The following CTNND1 variants were observed in gnomAD, a reference collection of about 807,000 sequenced individuals.
CTNND1 encodes the protein catenin delta 1.
CTNND1 carries 16 observed loss-of-function variants against 112.1 expected under a neutral mutation model. The ratio of observed to expected loss-of-function variants is 0.14; its 90% CI spans 0.10 to 0.22. The LOEUF is 0.22. Among genes scored for constraint, CTNND1 ranks in the 10% least tolerant of loss-of-function variants. The pLI is 1.00. For synonymous variants in CTNND1, 420 were observed against 446.5 expected (o/e 0.94, Z 0.75); for missense variants, 1,008 against 1,257.0 (o/e 0.80, Z 3.00).
chr11:57,791,785 G>A (rs1591441519), intron 3 of CTNND1, 112 bp downstream of exon 3: 7 of 1,165,742 alleles, frequency 6.0e-6, no homozygotes, highest in Non-Finnish European at 3.4e-6. Flanking sequence ...TCCAGTGCCC[G>A]TTCTTCCAGG....
intron 15 of CTNND1, among the ~76,000 whole-genome samples, chr11:57,809,733 T>A (rs907360020): frequency 6.6e-6 from 1 of 152,226 alleles, no homozygotes; most frequent in Non-Finnish European, 1.5e-5. Flanking sequence ...TTTTGTTTGT[T>A]TGAGGCAGAG....
At chr11:57,776,901 T>A (rs905384980) in intron 1 of CTNND1, among the ~76,000 whole-genome samples, 2 of 152,188 alleles carry the variant, frequency 1.3e-5, no homozygotes, top group Non-Finnish European at 2.9e-5. Flanking sequence ...TTACAACTTT[T>A]TTTTTGGTAT....
intron 4 of CTNND1, among the ~76,000 whole-genome samples, chr11:57,794,615 G>A (rs1245747602): frequency 6.6e-6 from 1 of 151,166 alleles, no homozygotes; most frequent in Admixed American, 6.6e-5. Flanking sequence ...GAGAAACCCC[G>A]TCTCTACTGA....
Position 57,767,187 on chromosome 11 carries a change from G to T in CTNND1, c.-214+5068G>T, listed in dbSNP as rs370862945. On this transcript the variant is annotated intron_variant, in intron 1 of 20. Coordinates refer to ENST00000399050, the MANE Select transcript of CTNND1 (RefSeq NM_001085458.2). ...GGGTTTTACCATTTTTGCCAGGTTG[G>T]TCTCAAACTCCTGACTTCATGATCC... is the stretch of plus-strand genomic sequence containing the variant. 2.5e-4 allele frequency among the ~76,000 whole-genome samples: 38 copies of T among 152,184 alleles called. 3 individuals carry two copies. The East Asian group carries it at 3.7e-3, about 15-fold the overall frequency.
At chr11:57,801,612 G>A (rs958291873) in intron 6 of CTNND1, 121 bp from the exon 7 acceptor site, 3 of 742,070 alleles carry the variant, frequency 4.0e-6, no homozygotes, top group Non-Finnish European at 6.6e-6. Flanking sequence ...GCAAAGGAGA[G>A]ATAAGATGAG....
chr11:57,784,693 A>G (rs960445554), intron 1 of CTNND1, among the ~76,000 whole-genome samples: 8 of 152,044 alleles, frequency 5.3e-5, no homozygotes, highest in Non-Finnish European at 7.4e-5. Flanking sequence ...TTAAGTAGAG[A>G]TGGGGTTTCA....
Position 57,804,772 on chromosome 11 carries a change from G to C in CTNND1, c.1714G>C (p.Asp572His), listed in dbSNP as rs769120408. The C allele has an allele frequency of 8.1e-6, 13 of 1,612,570 alleles. No individual in the cohort carries two copies. The East Asian group carries it at 2.5e-4, about 30-fold the overall frequency. ...VQAEIGQKDS[D>H]SKLVENCVCL... ...GGCTGAGATTGGGCAGAAGGATTCA[G>C]ACAGCAAGGTAAGTGCTGTCTTACC... The change falls in exon 9 of 21, where the codon GAC becomes CAC. Residue 572 changes from aspartate to histidine, a missense_variant. Transcript: ENST00000399050.
At chr11:57,762,635 C>CCCTGG (rs916637668) in intron 1 of CTNND1, among the ~76,000 whole-genome samples, 1 of 152,158 alleles carries the variant, frequency 6.6e-6, no homozygotes, top group African/African-American at 2.4e-5. Flanking sequence ...TTCAGCCCTG[C>CCCTGG]TGTTCCTGGG....
chr11:57,790,810 G>A (rs1308489998), intron 2 of CTNND1, among the ~76,000 whole-genome samples: 2 of 151,722 alleles, frequency 1.3e-5, no homozygotes, highest in African/African-American at 2.4e-5. Flanking sequence ...CGCCTGCTTC[G>A]GCCTCCCAAA....
chr11:57,770,674 AAAAG>A (rs1952356285), intron 1 of CTNND1, among the ~76,000 whole-genome samples: 1 of 152,076 alleles, frequency 6.6e-6, no homozygotes, highest in Non-Finnish European at 1.5e-5. Context: ...AAAATAAAAA[AAAAG>A]AAAAGAAAAG....
At chr11:57,815,087 C>G (rs1018160649) in intron 18 of CTNND1, among the ~76,000 whole-genome samples, 6 of 152,102 alleles carry the variant, frequency 3.9e-5, no homozygotes, top group Non-Finnish European at 7.4e-5. Context: ...ACCATCACAC[C>G]TGGCTTATTC....
intron 1 of CTNND1, among the ~76,000 whole-genome samples, chr11:57,786,899 A>C (rs112105339): frequency 4.9e-4 from 75 of 152,302 alleles, no homozygotes; most frequent in African/African-American, 1.6e-3. Flanking sequence ...AAGGTTGTAG[A>C]GGAGAGGCTC....
chr11:57,796,956 G>T lies in CTNND1; in HGVS notation c.920G>T (p.Arg307Leu). ...GMMSDYGTAR[R>L]TGTPSDPRRR... Reference sequence around the variant, plus strand: ...ATGTCTGATTATGGCACTGCCCGTCGGACTGGGACACCCTCTGACCCTCGT... The same window carrying T: ...ATGTCTGATTATGGCACTGCCCGTCTGACTGGGACACCCTCTGACCCTCGT... The change falls in exon 6 of 21, where the codon CGG becomes CTG. Residue 307 changes from arginine to leucine, a missense_variant. By Grantham distance (102) the Arg-to-Leu change is moderately radical (BLOSUM62 -2). This residue lies in a region of CTNND1 where 404 missense variants were observed against 457.9 expected (regional missense o/e 0.88). Transcript: ENST00000399050. 1 of 1,525,934 alleles carries T rather than the reference G, an allele frequency of 6.6e-7. No homozygotes were observed. Among genetic ancestry groups the T allele is most frequent in the Non-Finnish European group, 8.9e-7 (1 of 1,128,234 alleles). The allele number at this position is 1,525,934 out of a possible 1,614,324, so 94.5% of individuals were successfully genotyped here.
intron 1 of CTNND1, among the ~76,000 whole-genome samples, chr11:57,784,972 C>T (rs960498430): frequency 1.3e-5 from 2 of 152,100 alleles, no homozygotes; most frequent in Non-Finnish European, 2.9e-5. Context: ...TAAAACTAAA[C>T]CATGAAGAGT....
At position 57,810,132 on chromosome 11, in the gene CTNND1, G is replaced by A. The variant is rs1458722733; in HGVS notation, c.2459G>A (p.Arg820Gln). Residue 820 changes from arginine to glutamine, a missense_variant, in exon 16 of 21, where the codon CGA (arginine) becomes CAA (glutamine). Coordinates refer to ENST00000399050, the MANE Select transcript of CTNND1 (RefSeq NM_001085458.2). The stretch of plus-strand genomic sequence containing the variant: ...AGGAACCGCTCAGAAAAAGAAGTTC[G>A]AGCAGCAGCACTTGTATTACAGACA... ...KSGNRSEKEV[R>Q]AAALVLQTIW... The A allele has an allele frequency of 1.9e-6, 3 of 1,610,288 alleles. No individual in the cohort carries two copies. The highest frequency in any genetic ancestry group is 1.7e-5 in the Admixed American group (1 of 59,142).
chr11:57,801,597 T>C (rs2062026279), intron 6 of CTNND1, 136 bp from the exon 7 acceptor site: 1 of 683,872 alleles, frequency 1.5e-6, no homozygotes, highest in African/African-American at 1.8e-5. Context: ...CAGTATATTA[T>C]TCATGCAAAG....
chr11:57,799,229 C>G (rs1217577003), intron 6 of CTNND1, among the ~76,000 whole-genome samples: 2 of 152,200 alleles, frequency 1.3e-5, no homozygotes, highest in Non-Finnish European at 1.5e-5. Flanking sequence ...CTGGTGCAAC[C>G]TAGAGCAGTG....
chr11:57,776,032 C>A (rs1475466916), intron 1 of CTNND1, among the ~76,000 whole-genome samples: 4 of 152,052 alleles, frequency 2.6e-5, no homozygotes, highest in Non-Finnish European at 5.9e-5. Context: ...TGACACGGAG[C>A]GGGGTAAGTT....
At chr11:57,772,096 A>ATTTTT (rs536394341) in intron 1 of CTNND1, among the ~76,000 whole-genome samples, 2 of 129,878 alleles carry the variant, frequency 1.5e-5, no homozygotes, top group Non-Finnish European at 3.3e-5. Flanking sequence ...TAATTTTTGT[A>ATTTTT]TTTTTTTTTT....
Sources: allele counts gnomAD v4.1 joint callset (sites outside exome capture counted in the v4.1 genomes callset), GRCh38; gene constraint gnomAD v4.1.1; regional missense constraint gnomAD v4.1.1; transcripts MANE v1.5; gene names NCBI Gene and HGNC (gene_info 2026-07-23, HGNC 2026-07-21).